Variants in CSMD2 observed in about 807,000 individuals in gnomAD.
The protein encoded by CSMD2 is CUB and Sushi multiple domains 2, also known as CUB and sushi domain-containing protein 2.
In CSMD2, 130 loss-of-function variants were observed where a neutral mutation model predicts 398.5. That is an observed-to-expected ratio of 0.33 (90% CI 0.28 to 0.38). The LOEUF is 0.38. Among genes scored for constraint, CSMD2 ranks in the 10% least tolerant of loss-of-function variants. CSMD2 has a pLI of 1.00. For missense variants in CSMD2, 3,829 were observed against 4,764.9 expected, an observed-to-expected ratio of 0.80 and a Z score of 5.78; for synonymous variants, 1,828 against 1,908.5, an observed-to-expected ratio of 0.96 and a Z score of 1.10.
chr1:33,617,487 C>T lies in CSMD2; in HGVS notation c.5946+12G>A, dbSNP rs1641470085. ...ACACCTGTTTCCTGCTCTAGGGTGT[C>T]AGGGGAGGTACCTGGAGGGCATATC... On this transcript the variant is annotated intron_variant, in intron 38 of 70. Coordinates refer to ENST00000373381, the MANE Select transcript of CSMD2 (RefSeq NM_001281956.2). 6.3e-7 allele frequency: 1 copy of T among 1,596,112 alleles called. No homozygotes were observed. The highest frequency in any genetic ancestry group is 1.7e-5 in the Admixed American group (1 of 59,980).
chr1:33,988,455 G>A (rs1324884598), intron 3 of CSMD2, among the ~76,000 whole-genome samples: 1 of 152,204 alleles, frequency 6.6e-6, no homozygotes, highest in East Asian at 1.9e-4. Context: ...GCAGGTCTCT[G>A]CTCAAACGCT....
intron 25 of CSMD2, among the ~76,000 whole-genome samples, chr1:33,664,323 T>G (rs944730011): frequency 6.6e-6 from 1 of 152,170 alleles, no homozygotes; most frequent in Non-Finnish European, 1.5e-5. Context: ...ACTTTCTTTC[T>G]TCATTTAATA....
chr1:33,987,054 C>T (rs1646383436), intron 3 of CSMD2, among the ~76,000 whole-genome samples: 1 of 152,116 alleles, frequency 6.6e-6, no homozygotes, highest in African/African-American at 2.4e-5. Flanking sequence ...GGCATTGGAA[C>T]CCCTCTGCCC....
intron 1 of CSMD2, among the ~76,000 whole-genome samples, chr1:34,126,783 T>G (rs142306985): frequency 3.4e-5 from 3 of 87,700 alleles, no homozygotes; most frequent in East Asian, 7.6e-4. Context: ...AAGGAGAGAC[T>G]CGGGGAGAGA....
chr1:34,067,606 T>C (rs1655257028), intron 2 of CSMD2, among the ~76,000 whole-genome samples: 1 of 152,202 alleles, frequency 6.6e-6, no homozygotes, highest in African/African-American at 2.4e-5. Context: ...TGGAAATGCA[T>C]CTCAGACTGA....
intron 19 of CSMD2, among the ~76,000 whole-genome samples, chr1:33,721,648 C>A (rs1286043153): frequency 6.6e-6 from 1 of 152,140 alleles, no homozygotes; most frequent in Non-Finnish European, 1.5e-5. Flanking sequence ...GGGAAGCGGA[C>A]AATCCTGGGC....
chr1:33,675,422 C>T lies in CSMD2; in HGVS notation c.4053-12330G>A, dbSNP rs944336949. ...AGACTAAACCAGGAAGAAGTTGAAT[C>T]TCTGAATAGACCAATAACAGGCTCT... On this transcript the variant is annotated intron_variant, in intron 25 of 70. Transcript: ENST00000373381. Among the ~76,000 whole-genome samples the T allele has an allele frequency of 7.9e-4, 120 of 152,176 alleles. 1 individual carries two copies. Among genetic ancestry groups the T allele is most frequent in the Non-Finnish European group, 1.6e-4 (11 of 68,042 alleles).
intron 4 of CSMD2, among the ~76,000 whole-genome samples, chr1:33,933,465 C>A (rs1529946): frequency 2.0e-5 from 3 of 152,188 alleles, no homozygotes; most frequent in African/African-American, 7.2e-5. Context: ...AATAGCATGG[C>A]ATTTATAGTG....
At chr1:33,801,751 G>A (rs1655633693) in intron 10 of CSMD2, among the ~76,000 whole-genome samples, 1 of 152,248 alleles carries the variant, frequency 6.6e-6, no homozygotes, top group Non-Finnish European at 1.5e-5. Context: ...TCTCAAAGGG[G>A]GATAGGAATT....
At chr1:34,000,459 A>C (rs757214098) in intron 3 of CSMD2, among the ~76,000 whole-genome samples, 5 of 152,130 alleles carry the variant, frequency 3.3e-5, no homozygotes, top group African/African-American at 4.8e-5. Context: ...AGCAAAGAGA[A>C]ATGCCGGATC....
intron 1 of CSMD2, among the ~76,000 whole-genome samples, chr1:34,159,034 G>A (rs1641065420): frequency 6.6e-6 from 1 of 152,128 alleles, no homozygotes; most frequent in Non-Finnish European, 1.5e-5. Context: ...CCAACAGGGT[G>A]GTCTAAAGGA....
chr1:33,791,839 A>G (rs981222354), intron 11 of CSMD2, among the ~76,000 whole-genome samples: 22 of 152,160 alleles, frequency 1.4e-4, no homozygotes, highest in Non-Finnish European at 2.2e-4. Context: ...AGAGAAGCTA[A>G]ATGGTCCCCA....
chr1:34,047,596 A>ATCACTTAGTCCACTTAGTTC (rs1217862075), intron 2 of CSMD2, among the ~76,000 whole-genome samples: 1 of 152,194 alleles, frequency 6.6e-6, no homozygotes, highest in African/African-American at 2.4e-5. Flanking sequence ...TCACTTATCT[A>ATCACTTAGTCCACTTAGTTC]ACCCCAGTAT....
At chr1:34,075,830 G>A (rs1047504248) in intron 2 of CSMD2, among the ~76,000 whole-genome samples, 2 of 152,220 alleles carry the variant, frequency 1.3e-5, no homozygotes, top group African/African-American at 2.4e-5. Flanking sequence ...GATTGTTTCA[G>A]TAATTCATCC....
intron 42 of CSMD2, among the ~76,000 whole-genome samples, chr1:33,603,047 A>T (rs1445558898): frequency 6.6e-6 from 1 of 152,094 alleles, no homozygotes; most frequent in African/African-American, 2.4e-5. Context: ...ATCATAGCTG[A>T]ACGATGTATT....
chr1:33,724,368 C>A, intron 18 of CSMD2, 55 bp from the exon 19 acceptor site: 1 of 1,506,598 alleles, frequency 6.6e-7, no homozygotes, highest in East Asian at 2.3e-5. Context: ...GGGAGCACCC[C>A]CGTCATCCTC....
chr1:34,086,733 T>G (rs2148357503), intron 2 of CSMD2, among the ~76,000 whole-genome samples: 1 of 152,246 alleles, frequency 6.6e-6, no homozygotes, highest in East Asian at 1.9e-4. Flanking sequence ...CTCACCCCTT[T>G]CACTCCATTT....
At chr1:33,847,047 G>A (rs1472542386) in intron 5 of CSMD2, 51 bp from the exon 6 acceptor site, 1 of 1,245,750 alleles carries the variant, frequency 8.0e-7, no homozygotes, top group Admixed American at 1.9e-5. Context: ...GAGTGGTATA[G>A]GTGTATGAGC....
At chr1:33,659,841 A>G (rs1363174624) in intron 26 of CSMD2, among the ~76,000 whole-genome samples, 1 of 152,268 alleles carries the variant, frequency 6.6e-6, no homozygotes, top group East Asian at 1.9e-4. Flanking sequence ...GCCCACGGCC[A>G]TATCTGGGCC....
Sources: gnomAD v4.1 joint callset for allele counts (sites outside exome capture counted in the v4.1 genomes callset) on GRCh38, gnomAD v4.1.1 for gene constraint, MANE v1.5 for transcripts, NCBI Gene and HGNC (gene_info 2026-07-23, HGNC 2026-07-21) for gene names.